SENP1: variants seen among roughly 807,000 people sequenced by gnomAD.
SENP1 encodes sentrin-specific protease 1.
SENP1 carries 21 observed loss-of-function variants against 93.0 expected under a neutral mutation model. The observed-to-expected ratio is 0.23, with a 90% CI of 0.16 to 0.33. SENP1 has a LOEUF of 0.33. Ranked by LOEUF, SENP1 falls within the 10% of genes least tolerant of loss-of-function variation. SENP1 has a pLI of 1.00. For synonymous variants in SENP1, 256 were observed against 259.6 expected (o/e 0.99, Z 0.13); for missense variants, 591 against 758.7 (o/e 0.78, Z 2.60).
intron 13 of SENP1, among the ~76,000 whole-genome samples, chr12:48,050,706 G>A (rs1455105081): frequency 6.6e-6 from 1 of 152,198 alleles, no homozygotes; most frequent in Non-Finnish European, 1.5e-5. Flanking sequence ...CTAGGTTTCC[G>A]AAGGCAGCCA....
intron 13 of SENP1, among the ~76,000 whole-genome samples, chr12:48,061,412 T>A (rs143550694): frequency 1.4e-4 from 22 of 152,310 alleles, no homozygotes; most frequent in Non-Finnish European, 2.1e-4. Context: ...AATTAAGTTT[T>A]GTATTCTTTT....
intron 9 of SENP1, 24 bp from the exon 10 acceptor site, chr12:48,066,989 T>C: frequency 6.6e-7 from 1 of 1,509,218 alleles, no homozygotes; most frequent in Non-Finnish European, 9.0e-7. Context: ...AAGAAAAATT[T>C]GACAAATGAG....
intron 6 of SENP1, among the ~76,000 whole-genome samples, chr12:48,078,735 T>C (rs1050604877): frequency 1.1e-4 from 17 of 152,206 alleles, no homozygotes; most frequent in Admixed American, 3.3e-4. Context: ...TGTAACTTTT[T>C]TGGCTTTGCC....
At chr12:48,086,260 T>C (rs185653653) in intron 5 of SENP1, among the ~76,000 whole-genome samples, 1 of 152,294 alleles carries the variant, frequency 6.6e-6, no homozygotes, top group Admixed American at 6.5e-5. Context: ...GAAACACATT[T>C]CAGGGACTCT....
At chr12:48,079,058 G>T (rs989841080) in intron 6 of SENP1, among the ~76,000 whole-genome samples, 4 of 152,068 alleles carry the variant, frequency 2.6e-5, no homozygotes, top group Non-Finnish European at 5.9e-5. Context: ...GGCAAAAGAG[G>T]GAGTATCACT....
chr12:48,058,576 T>C (rs1175308593), intron 13 of SENP1, among the ~76,000 whole-genome samples: 1 of 152,200 alleles, frequency 6.6e-6, no homozygotes, highest in African/African-American at 2.4e-5. Flanking sequence ...TTTTACCACT[T>C]TATGTAGAGT....
intron 13 of SENP1, among the ~76,000 whole-genome samples, chr12:48,061,058 T>C (rs922318724): frequency 2.6e-5 from 4 of 152,214 alleles, no homozygotes; most frequent in African/African-American, 7.2e-5. Flanking sequence ...GTGGTCACTC[T>C]TCTTTTAGGA....
intron 13 of SENP1, among the ~76,000 whole-genome samples, chr12:48,057,941 C>CTTTTTTTT (rs370210767): frequency 4.7e-5 from 4 of 85,682 alleles, no homozygotes; most frequent in African/African-American, 9.8e-5. Flanking sequence ...TTTATTTCCT[C>CTTTTTTTT]TTTTTTTTTT....
chr12:48,086,633 T>C (rs888829841), intron 5 of SENP1, among the ~76,000 whole-genome samples: 5 of 152,158 alleles, frequency 3.3e-5, no homozygotes, highest in African/African-American at 1.2e-4. Flanking sequence ...ATCTAAAACC[T>C]AGCTTATAAA....
At chr12:48,090,681 C>A (rs1010144257) in intron 4 of SENP1, among the ~76,000 whole-genome samples, 2 of 152,038 alleles carry the variant, frequency 1.3e-5, no homozygotes, top group Non-Finnish European at 2.9e-5. Flanking sequence ...ACTGCAGCCT[C>A]GAACTCCTAA....
chr12:48,105,616 C>G (rs1288470827), intron 1 of SENP1: 1 of 449,950 alleles, frequency 2.2e-6, no homozygotes, highest in Non-Finnish European at 4.4e-6. Context: ...GGAGATGAAG[C>G]CGGTACCACA....
chr12:48,103,367 A>T (rs1173281171), intron 1 of SENP1, among the ~76,000 whole-genome samples: 1 of 152,224 alleles, frequency 6.6e-6, no homozygotes, highest in Non-Finnish European at 1.5e-5. Context: ...CACATTTCAA[A>T]CATTATACAA....
At position 48,093,216 on chromosome 12, in the gene SENP1, GA is replaced by G. The variant is rs199506167; in HGVS notation, c.220+3126del. 7.7e-5 allele frequency among the ~76,000 whole-genome samples: 11 copies of G among 143,300 alleles called. No individual in the cohort carries two copies. In the East Asian group the frequency reaches 2.0e-3, roughly 27 times the overall value. The allele number at this position is 143,300 out of a possible 152,430, so 94.0% of individuals were successfully genotyped here. ...TCATTTTTACAGAGATTTTAAAAAAGAAAAAATATAAACAGCTTCATGTCAG... is the reference window on the plus strand; with the variant it reads ...TCATTTTTACAGAGATTTTAAAAAAGAAAAATATAAACAGCTTCATGTCAG... On this transcript the variant is annotated intron_variant, in intron 4 of 17. Coordinates refer to ENST00000549518, the MANE Select transcript of SENP1 (RefSeq NM_001267594.2).
At position 48,088,856 on chromosome 12, in the gene SENP1, AAGATGAGCTTGACGATGGGGTAGAATT is replaced by A; in HGVS notation, c.298_324del (p.Asn100_Ser108del). 1 of 1,608,080 alleles carries A rather than the reference AAGATGAGCTTGACGATGGGGTAGAATT, an allele frequency of 6.2e-7. No homozygotes were observed. Among genetic ancestry groups the A allele is most frequent in the Non-Finnish European group, 8.5e-7 (1 of 1,177,012 alleles). ...CTTCGGCTGTTTCTTGATTTTTGTA[AAGATGAGCTTGACGATGGGGTAGAATT>A]TCTCCATTGGCCATTTGCACTCTGG... On this transcript the variant is annotated inframe_deletion, in exon 5 of 18. Coordinates refer to ENST00000549518, the MANE Select transcript of SENP1 (RefSeq NM_001267594.2).
At chr12:48,049,804 G>A (rs1012070391) in intron 13 of SENP1, among the ~76,000 whole-genome samples, 1 of 152,132 alleles carries the variant, frequency 6.6e-6, no homozygotes, top group African/African-American at 2.4e-5. Flanking sequence ...TTATATAAAG[G>A]CACACATGGA....
chr12:48,100,292 T>C (rs1361970757), intron 2 of SENP1, among the ~76,000 whole-genome samples: 1 of 152,208 alleles, frequency 6.6e-6, no homozygotes, highest in Non-Finnish European at 1.5e-5. Flanking sequence ...TTTACATTAA[T>C]CAAATTATTT....
At chr12:48,046,538 T>A in intron 16 of SENP1, 87 bp from the exon 17 acceptor site, 3 of 963,590 alleles carry the variant, frequency 3.1e-6, no homozygotes. Context: ...ATATAAATTG[T>A]ACAGGTTTCT....
At chr12:48,096,979 T>G (rs1945611754) in intron 3 of SENP1, among the ~76,000 whole-genome samples, 1 of 151,852 alleles carries the variant, frequency 6.6e-6, no homozygotes, top group South Asian at 2.1e-4. Context: ...ATTTCAGAAC[T>G]CAATATAATT....
intron 9 of SENP1, among the ~76,000 whole-genome samples, chr12:48,071,147 A>G (rs998985825): frequency 6.6e-6 from 1 of 152,186 alleles, no homozygotes; most frequent in Admixed American, 6.5e-5. Context: ...TTTCAAGAAC[A>G]TGGTATGGTG....
Sources: allele counts gnomAD v4.1 joint callset (sites outside exome capture counted in the v4.1 genomes callset), GRCh38; gene constraint gnomAD v4.1.1; transcripts MANE v1.5; gene names NCBI Gene and HGNC (gene_info 2026-07-23, HGNC 2026-07-21).